The following PRKCE variants were observed in gnomAD, a reference collection of about 807,000 sequenced individuals.
The protein encoded by PRKCE is protein kinase C epsilon, also known as protein kinase C epsilon type.
In PRKCE, 16 loss-of-function variants were observed where a neutral mutation model predicts 85.4. The ratio of observed to expected loss-of-function variants is 0.19; its 90% CI spans 0.13 to 0.28. The LOEUF is 0.28. Ranked by LOEUF, PRKCE falls within the 10% of genes least tolerant of loss-of-function variation. The pLI is 1.00. For synonymous variants in PRKCE, 388 were observed against 371.5 expected (o/e 1.04, Z -0.51); for missense variants, 573 against 975.2 (o/e 0.59, Z 5.49).
At position 46,001,554 on chromosome 2, in the gene PRKCE, G is replaced by A. The variant is rs41305977; in HGVS notation, c.966+8G>A. On this transcript the variant is annotated splice_region_variant and intron_variant, in intron 7 of 14. Coordinates refer to ENST00000306156, the MANE Select transcript of PRKCE (RefSeq NM_005400.3). The surrounding 1 kb of genome is among the most constrained non-coding windows in gnomAD (Gnocchi z 4.4). ...GGCCAGAGAAGGAAAAAGGTAACTG[G>A]CTGTTTGGTGGTGTTGCTGGAGCCC... 1.8e-3 allele frequency: 2,803 copies of A among 1,597,262 alleles called. 2 individuals carry two copies. The highest frequency in any genetic ancestry group is 2.2e-3 in the Admixed American group (134 of 59,832).
chr2:46,010,713 T>A (rs767664824), intron 10 of PRKCE, 196 bp downstream of exon 10: 2 of 1,598,466 alleles, frequency 1.3e-6, no homozygotes, highest in Non-Finnish European at 1.7e-6. Flanking sequence ...AAGGTTGTGC[T>A]TGTGAAGGGA....
At chr2:46,146,586 G>T (rs1184381125) in intron 12 of PRKCE, among the ~76,000 whole-genome samples, 1 of 152,204 alleles carries the variant, frequency 6.6e-6, no homozygotes, top group East Asian at 1.9e-4. Flanking sequence ...TTGACGGAAG[G>T]GGTGGGGAGG....
chr2:46,095,810 A>G (rs1398330631), intron 11 of PRKCE, among the ~76,000 whole-genome samples: 3 of 152,230 alleles, frequency 2.0e-5, no homozygotes, highest in Non-Finnish European at 4.4e-5. Context: ...TTCAATATCT[A>G]CAGTCTTTAT....
At chr2:45,807,118 G>A (rs1307339800) in intron 1 of PRKCE, among the ~76,000 whole-genome samples, 2 of 152,220 alleles carry the variant, frequency 1.3e-5, no homozygotes, top group African/African-American at 2.4e-5. Context: ...TCTGCCTTTT[G>A]TTAGAGGTGT....
intron 1 of PRKCE, among the ~76,000 whole-genome samples, chr2:45,784,357 A>G (rs772080447): frequency 2.0e-4 from 31 of 152,264 alleles, no homozygotes; most frequent in Non-Finnish European, 3.7e-4. Flanking sequence ...GAACCTGCCA[A>G]AAAAGGAAGA....
At chr2:45,782,222 A>G (rs1686245291) in intron 1 of PRKCE, among the ~76,000 whole-genome samples, 1 of 152,134 alleles carries the variant, frequency 6.6e-6, no homozygotes, top group South Asian at 2.1e-4. Flanking sequence ...CCTCTCGTCC[A>G]GGCCCATCTT....
chr2:45,705,624 T>C (rs1679053509), intron 1 of PRKCE, among the ~76,000 whole-genome samples: 1 of 152,220 alleles, frequency 6.6e-6, no homozygotes, highest in Non-Finnish European at 1.5e-5. Context: ...CGCTTTGGCT[T>C]CTAGAGTGAT....
intron 1 of PRKCE, among the ~76,000 whole-genome samples, chr2:45,737,760 G>A (rs914811421): frequency 1.3e-5 from 2 of 152,150 alleles, no homozygotes; most frequent in East Asian, 1.9e-4. Context: ...TGTCTTGCCC[G>A]GGGCCCTCCC....
At chr2:45,937,247 G>T (rs1185431090) in intron 2 of PRKCE, among the ~76,000 whole-genome samples, 2 of 152,222 alleles carry the variant, frequency 1.3e-5, no homozygotes, top group African/African-American at 2.4e-5. Flanking sequence ...TATAGCAGAA[G>T]CTGTTGGTGT....
intron 10 of PRKCE, among the ~76,000 whole-genome samples, chr2:46,073,163 A>C (rs1045299519): frequency 1.3e-5 from 2 of 152,212 alleles, no homozygotes; most frequent in African/African-American, 2.4e-5. Flanking sequence ...GCCTTGCAAA[A>C]GTGAACATCC....
At chr2:45,761,151 C>T (rs969616501) in intron 1 of PRKCE, among the ~76,000 whole-genome samples, 2 of 151,880 alleles carry the variant, frequency 1.3e-5, no homozygotes, top group African/African-American at 2.4e-5. Flanking sequence ...CACGGTGAAA[C>T]CTCGTCTCTA....
At chr2:46,059,998 T>G (rs1221558279) in intron 10 of PRKCE, among the ~76,000 whole-genome samples, 1 of 152,208 alleles carries the variant, frequency 6.6e-6, no homozygotes, top group Non-Finnish European at 1.5e-5. Context: ...TGCTTTGTGC[T>G]CAAGGTCATG....
At chr2:45,847,902 A>G (rs1177415719) in intron 2 of PRKCE, among the ~76,000 whole-genome samples, 2 of 152,240 alleles carry the variant, frequency 1.3e-5, no homozygotes, top group Non-Finnish European at 2.9e-5. Flanking sequence ...GTCCGAGCTC[A>G]AGGTTGGATC....
intron 6 of PRKCE, among the ~76,000 whole-genome samples, chr2:45,989,560 C>T (rs13406702): frequency 1.3e-5 from 2 of 151,748 alleles, no homozygotes; most frequent in African/African-American, 4.9e-5. Flanking sequence ...ATGGAGTGAT[C>T]TTAGCCACAT....
At position 46,184,983 on chromosome 2, in the gene PRKCE, G is replaced by A. The variant is rs536724568; in HGVS notation, c.*102G>A. On this transcript the variant is annotated 3_prime_UTR_variant, in exon 15 of 15. Coordinates refer to ENST00000306156, the MANE Select transcript of PRKCE (RefSeq NM_005400.3). The surrounding 1 kb of genome is among the most constrained non-coding windows in gnomAD (Gnocchi z 5.0). ...AGGTCTTGAACTACTTCTCCTCCTC[G>A]GAGCCCCAGTCCCATGTCCACTGTC... 8 of 1,456,194 alleles carry A rather than the reference G, an allele frequency of 5.5e-6. No homozygotes were observed. The highest frequency in any genetic ancestry group is 2.3e-5 in the East Asian group (1 of 44,010). The allele number at this position is 1,456,194 out of a possible 1,614,324, so 90.2% of individuals were successfully genotyped here.
intron 10 of PRKCE, among the ~76,000 whole-genome samples, chr2:46,033,806 C>A (rs751529568): frequency 2.2e-4 from 33 of 152,124 alleles, no homozygotes; most frequent in Non-Finnish European, 4.0e-4. Flanking sequence ...AGAGTCAGGG[C>A]AACTGGGCAT....
chr2:45,783,792 G>A (rs529722015), intron 1 of PRKCE, among the ~76,000 whole-genome samples: 4 of 152,272 alleles, frequency 2.6e-5, no homozygotes, highest in South Asian at 4.2e-4. Flanking sequence ...TCTAGGAGCC[G>A]GGAAGTGTGC....
At chr2:45,859,057 T>TAAAA (rs1692928045) in intron 2 of PRKCE, among the ~76,000 whole-genome samples, 2 of 143,722 alleles carry the variant, frequency 1.4e-5, no homozygotes, top group African/African-American at 2.8e-5. Flanking sequence ...AATAAATAAA[T>TAAAA]AAATAAATAA....
At chr2:45,690,358 A>G (rs182201600) in intron 1 of PRKCE, among the ~76,000 whole-genome samples, 3 of 152,332 alleles carry the variant, frequency 2.0e-5, no homozygotes, top group Admixed American at 2.0e-4. Context: ...ATAAAGGCCC[A>G]TTTGTTCTTG....
Sources: gnomAD v4.1 joint callset for allele counts (sites outside exome capture counted in the v4.1 genomes callset) on GRCh38, gnomAD v4.1.1 for gene constraint, Gnocchi (gnomAD v3.1) non-coding constraint, MANE v1.5 for transcripts, NCBI Gene and HGNC (gene_info 2026-07-23, HGNC 2026-07-21) for gene names.